The following TGFBR3 variants were observed in gnomAD, a reference collection of about 807,000 sequenced individuals.
TGFBR3 encodes the protein transforming growth factor beta receptor 3.
Under a neutral mutation model 87.9 loss-of-function variants are expected in TGFBR3, and 46 were observed. The observed-to-expected ratio is 0.52, with a 90% confidence interval of 0.41 to 0.67. TGFBR3 has a LOEUF of 0.67. Among genes scored for constraint, TGFBR3 ranks in the 30% least tolerant of loss-of-function variants. TGFBR3 has a pLI of 0.00. For missense variants in TGFBR3, 866 were observed against 1,041.9 expected (o/e 0.83, Z 2.32); for synonymous variants, 381 against 391.6 (o/e 0.97, Z 0.32).
intron 6 of TGFBR3, among the ~76,000 whole-genome samples, chr1:91,728,116 T>C (rs894602168): frequency 6.6e-6 from 1 of 152,220 alleles, no homozygotes; most frequent in African/African-American, 2.4e-5. Flanking sequence ...AGAGTTTACT[T>C]TTGAAGCAGT....
chr1:91,896,854 G>A (rs1679562251), intron 2 of TGFBR3, among the ~76,000 whole-genome samples: 1 of 151,260 alleles, frequency 6.6e-6, no homozygotes, highest in African/African-American at 2.4e-5. Context: ...AACTCCCCAA[G>A]TGAGAGAAAG....
chr1:91,876,948 T>C (rs1678833746), intron 1 of TGFBR3, among the ~76,000 whole-genome samples: 1 of 152,066 alleles, frequency 6.6e-6, no homozygotes, highest in Non-Finnish European at 1.5e-5. Context: ...CTTGGCTTAA[T>C]TTCACTATTT....
chr1:91,882,199 C>T (rs1349820396), intron 1 of TGFBR3, among the ~76,000 whole-genome samples: 4 of 147,214 alleles, frequency 2.7e-5, no homozygotes, highest in Admixed American at 6.7e-5. Context: ...TGCAGTGGCA[C>T]GATCTCAGCT....
intron 2 of TGFBR3, among the ~76,000 whole-genome samples, chr1:91,846,867 C>G (rs546698759): frequency 6.6e-6 from 1 of 152,260 alleles, no homozygotes; most frequent in East Asian, 1.9e-4. Flanking sequence ...GAATTCCAGA[C>G]TGCTCCACAT....
rs137915935 is a variant in TGFBR3 at position 91,712,249 on chromosome 1, C to G, written c.2160G>C (p.Leu720Phe). 1 of 1,613,972 alleles carries G rather than the reference C, an allele frequency of 6.2e-7. No individual in the cohort carries two copies. The highest frequency in any genetic ancestry group is 1.3e-5 in the African/African-American group (1 of 74,938). ...CTKMEKHPQK[L>F]PKCVPPDEAC... is the part of the protein sequence containing the mutation. Reference sequence around the variant, plus strand: ...TGGATGAAGGCCCACAAACCTTAGGCAACTTCTGGGGGTGCTTCTCCATCT... The same window carrying G: ...TGGATGAAGGCCCACAAACCTTAGGGAACTTCTGGGGGTGCTTCTCCATCT... Residue 720 changes from leucine (L) to phenylalanine (F), a missense_variant, in exon 13 of 17, where the codon TTG becomes TTC. Coordinates refer to ENST00000212355, the MANE Select transcript of TGFBR3 (RefSeq NM_003243.5).
At chr1:91,879,949 C>G (rs1679007311) in intron 1 of TGFBR3, among the ~76,000 whole-genome samples, 1 of 152,150 alleles carries the variant, frequency 6.6e-6, no homozygotes, top group Admixed American at 6.5e-5. Flanking sequence ...CTTGACTAGA[C>G]ACTGAACAAA....
chr1:91,850,152 A>G lies in TGFBR3; in HGVS notation c.61+11319T>C, dbSNP rs150126790. The stretch of plus-strand genomic sequence containing the variant: ...AAAACTCATTATTTGCACTAACCCC[A>G]AAGTCTCTCCCCTTTCTGTGCCTCA... On this transcript the variant is annotated intron_variant, in intron 2 of 16. Coordinates refer to ENST00000212355, the MANE Select transcript of TGFBR3 (RefSeq NM_003243.5). 3.9e-5 allele frequency among the ~76,000 whole-genome samples: 6 copies of G among 151,904 alleles called. No homozygotes were observed. The East Asian group carries it at 1.2e-3, about 29-fold the overall frequency.
chr1:91,874,880 G>A (rs1314014878), intron 1 of TGFBR3, among the ~76,000 whole-genome samples: 1 of 152,154 alleles, frequency 6.6e-6, no homozygotes, highest in Non-Finnish European at 1.5e-5. Flanking sequence ...AGGCTGCAGA[G>A]GGGCAAGAAG....
At chr1:91,858,913 G>A (rs1159508675) in intron 2 of TGFBR3, among the ~76,000 whole-genome samples, 1 of 151,844 alleles carries the variant, frequency 6.6e-6, no homozygotes, top group Non-Finnish European at 1.5e-5. Flanking sequence ...AAAATTAGCT[G>A]GATATGGTGG....
chr1:91,711,397 C>T (rs1340226385), intron 13 of TGFBR3, among the ~76,000 whole-genome samples: 1 of 152,130 alleles, frequency 6.6e-6, no homozygotes, highest in Non-Finnish European at 1.5e-5. Context: ...TACCTCCATA[C>T]CTAAGACTTA....
At chr1:91,798,504 C>T (rs908746256) in intron 2 of TGFBR3, among the ~76,000 whole-genome samples, 1 of 152,178 alleles carries the variant, frequency 6.6e-6, no homozygotes, top group Non-Finnish European at 1.5e-5. Context: ...TTCAAGCCTG[C>T]TTCCTTTACC....
At chr1:91,820,529 C>T (rs1294925676) in intron 2 of TGFBR3, among the ~76,000 whole-genome samples, 1 of 151,962 alleles carries the variant, frequency 6.6e-6, no homozygotes, top group Non-Finnish European at 1.5e-5. Flanking sequence ...TAAAAAAATA[C>T]AAAAAAATTA....
At chr1:91,739,495 C>T (rs1330821059) in intron 4 of TGFBR3, among the ~76,000 whole-genome samples, 1 of 152,164 alleles carries the variant, frequency 6.6e-6, no homozygotes, top group Non-Finnish European at 1.5e-5. Context: ...TTTTATAGCA[C>T]ACCTTCTGCA....
At chr1:91,744,618 C>T (rs1259698294) in intron 4 of TGFBR3, among the ~76,000 whole-genome samples, 4 of 152,108 alleles carry the variant, frequency 2.6e-5, no homozygotes, top group Non-Finnish European at 5.9e-5. Flanking sequence ...AAGTCTGATC[C>T]TCAGACAGAA....
chr1:91,839,280 A>G (rs145104051), intron 2 of TGFBR3, among the ~76,000 whole-genome samples: 1 of 152,290 alleles, frequency 6.6e-6, no homozygotes, highest in African/African-American at 2.4e-5. Flanking sequence ...CACCCAGCCA[A>G]ATCTTAAGTC....
intron 3 of TGFBR3, among the ~76,000 whole-genome samples, chr1:91,789,702 G>T (rs1012388063): frequency 6.6e-6 from 1 of 152,164 alleles, no homozygotes; most frequent in African/African-American, 2.4e-5. Flanking sequence ...GAGTTAGCTG[G>T]AATTTTAGAT....
intron 15 of TGFBR3, among the ~76,000 whole-genome samples, chr1:91,697,787 G>A (rs967772638): frequency 6.6e-6 from 1 of 152,160 alleles, no homozygotes; most frequent in Non-Finnish European, 1.5e-5. Context: ...ACATAAGCAT[G>A]CAAGTCATTA....
Position 91,799,800 on chromosome 1 carries a change from T to C in TGFBR3, c.62-2329A>G, listed in dbSNP as rs143858040. On this transcript the variant is annotated intron_variant, in intron 2 of 16. Coordinates refer to ENST00000212355, the MANE Select transcript of TGFBR3 (RefSeq NM_003243.5). ...TAAGATCTTCCTTAAATCACCATAC[T>C]GCTCACCTCCACACTGGGGCAGGGG... 8.4e-3 allele frequency among the ~76,000 whole-genome samples: 1,282 copies of C among 152,210 alleles called. 7 individuals carry two copies. Among genetic ancestry groups the C allele is most frequent in the Middle Eastern group, 0.031 (9 of 294 alleles).
intron 7 of TGFBR3, among the ~76,000 whole-genome samples, chr1:91,726,785 T>C (rs1157834565): frequency 2.7e-5 from 2 of 75,016 alleles, no homozygotes; most frequent in African/African-American, 1.2e-4. Flanking sequence ...AAAAGAGAGA[T>C]TGGCCAAAAA....
Sources: allele counts gnomAD v4.1 joint callset (sites outside exome capture counted in the v4.1 genomes callset), GRCh38; gene constraint gnomAD v4.1.1; transcripts MANE v1.5; gene names NCBI Gene and HGNC (gene_info 2026-07-23, HGNC 2026-07-21).